Variants in ACADSB observed in about 807,000 individuals in gnomAD.
The protein encoded by ACADSB is short/branched chain specific acyl-CoA dehydrogenase, mitochondrial.
ACADSB carries 40 observed loss-of-function variants against 54.1 expected under a neutral mutation model. That is an observed-to-expected ratio of 0.74 (90% confidence interval 0.57 to 0.96). The LOEUF (loss-of-function observed/expected upper bound fraction) is 0.96, where lower values mean the gene tolerates loss of function less well. Among genes scored for constraint, ACADSB ranks in the 40% least tolerant of loss-of-function variants. The pLI is 0.00. For missense variants in ACADSB, 530 were observed against 510.4 expected (o/e 1.04, Z -0.37); for synonymous variants, 182 against 182.8 (o/e 1.00, Z 0.03).
chr10:123,027,409 G>A, intron 1 of ACADSB: 1 of 372,662 alleles, frequency 2.7e-6, no homozygotes, highest in Non-Finnish European at 5.6e-6. Flanking sequence ...ACACAGGGAA[G>A]TAATTTAATT....
rs1366294353 is a variant in ACADSB, at chr10:123,055,182, G to A, written c.*1417G>A. On this transcript the variant is annotated 3_prime_UTR_variant, in exon 11 of 11. Transcript: ENST00000358776. Reference sequence around the variant, plus strand: ...CTGATAAAGACATACCTGAGACCAGGAAGAAAAAGAGGTTTAATTGGACTT... The same window carrying A: ...CTGATAAAGACATACCTGAGACCAGAAAGAAAAAGAGGTTTAATTGGACTT... 1 of 166,904 alleles carries A rather than the reference G, an allele frequency of 6.0e-6. No individual in the cohort carries two copies. The highest frequency in any genetic ancestry group is 2.4e-5 in the African/African-American group (1 of 41,666). The allele number at this position is 166,904 out of a possible 1,614,324, so 10.3% of individuals were successfully genotyped here. A position where few individuals can be genotyped will look rare whatever the true frequency, so the allele number is the denominator to read the frequency against.
Position 123,053,648 on chromosome 10 carries a change from A to G in ACADSB, c.1229-47A>G, listed in dbSNP as rs902327380. ...GTTTATAGAGCTATTTCTTGTCTTA[A>G]CCATGCGCCAACTCCTCATTGTTCC... On this transcript the variant is annotated intron_variant, in intron 10 of 10. Transcript: ENST00000358776. 4.6e-6 allele frequency: 7 copies of G among 1,523,378 alleles called. No individual in the cohort carries two copies. The Admixed American group carries it at 5.0e-5, about 11-fold the overall frequency. 94.4% of individuals were successfully genotyped at this position (1,523,378 alleles called of 1,614,324 possible). A position where few individuals can be genotyped will look rare whatever the true frequency, so the allele number is the denominator to read the frequency against.
At chr10:123,014,007 C>T (rs928625523) in intron 1 of ACADSB, among the ~76,000 whole-genome samples, 7 of 152,150 alleles carry the variant, frequency 4.6e-5, no homozygotes, top group African/African-American at 1.2e-4. Context: ...GCGCCGAGGC[C>T]GAGGAGGCGA....
At chr10:123,032,893 A>G (rs1389560023) in intron 1 of ACADSB, among the ~76,000 whole-genome samples, 3 of 151,836 alleles carry the variant, frequency 2.0e-5, no homozygotes, top group South Asian at 2.1e-4. Flanking sequence ...CTGGCCTCCA[A>G]TTTCCATTCT....
At chr10:123,021,941 G>A (rs960715923) in intron 1 of ACADSB, among the ~76,000 whole-genome samples, 1 of 152,068 alleles carries the variant, frequency 6.6e-6, no homozygotes, top group Non-Finnish European at 1.5e-5. Flanking sequence ...GGCCTCTCAT[G>A]TGTGCATTAA....
chr10:123,036,764 A>G (rs1229794775), intron 2 of ACADSB, among the ~76,000 whole-genome samples: 1 of 152,166 alleles, frequency 6.6e-6, no homozygotes, highest in Non-Finnish European at 1.5e-5. Flanking sequence ...CAGTCAGGAA[A>G]GGCTTCCCAG....
chr10:123,012,696 C>T (rs1163647662), intron 1 of ACADSB, among the ~76,000 whole-genome samples: 1 of 151,932 alleles, frequency 6.6e-6, no homozygotes. Flanking sequence ...TGTGGCCTCG[C>T]TGGCTTCAGG....
chr10:123,043,025 C>T (rs761238619), intron 5 of ACADSB, 21 bp from the exon 6 acceptor site: 18 of 1,611,106 alleles, frequency 1.1e-5, no homozygotes, highest in South Asian at 3.3e-5. Flanking sequence ...GTGGTAATAG[C>T]GTTTTAATTC....
intron 1 of ACADSB, among the ~76,000 whole-genome samples, chr10:123,019,538 T>C (rs1460298478): frequency 2.0e-5 from 3 of 152,248 alleles, no homozygotes; most frequent in African/African-American, 7.2e-5. Context: ...AATATTTTGG[T>C]GTTTGCAGTC....
chr10:123,024,282 G>T (rs1255324744), intron 1 of ACADSB, among the ~76,000 whole-genome samples: 1 of 152,224 alleles, frequency 6.6e-6, no homozygotes, highest in Non-Finnish European at 1.5e-5. Context: ...ACTGAAACAT[G>T]TTCGAGTTCT....
chr10:123,009,911 G>A (rs993243389), intron 1 of ACADSB, among the ~76,000 whole-genome samples: 20 of 152,320 alleles, frequency 1.3e-4, no homozygotes, highest in African/African-American at 4.8e-4. Flanking sequence ...CACTGCTTAC[G>A]TGTGCTTTTA....
rs1282023840 is a variant in ACADSB, at chr10:123,054,249, G to A, written c.*484G>A. ...ACCATATTGCCCAGGCTGGTCTTCT[G>A]GCTTCTGGATATCGCCCACCTTGGC... On this transcript the variant is annotated 3_prime_UTR_variant, in exon 11 of 11. Transcript: ENST00000358776. 1.2e-5 allele frequency: 2 copies of A among 160,248 alleles called. No individual in the cohort carries two copies. The highest frequency in any genetic ancestry group is 5.8e-5 in the Admixed American group (1 of 17,172). 9.9% of individuals were successfully genotyped at this position (160,248 alleles called of 1,614,324 possible). A position where few individuals can be genotyped will look rare whatever the true frequency, so the allele number is the denominator to read the frequency against.
intron 2 of ACADSB, among the ~76,000 whole-genome samples, chr10:123,035,383 A>G (rs1435494399): frequency 2.6e-5 from 4 of 152,244 alleles, no homozygotes; most frequent in Non-Finnish European, 5.9e-5. Context: ...AGCAGTTTGC[A>G]TTCATTTATT....
chr10:123,049,096 A>G (rs549791426), intron 8 of ACADSB, among the ~76,000 whole-genome samples: 5 of 152,356 alleles, frequency 3.3e-5, no homozygotes, highest in African/African-American at 4.8e-5. Context: ...TGATAGAGAC[A>G]TGCTATGTGA....
rs1203886283 is a variant in ACADSB, at chr10:123,055,076, C to G, written c.*1311C>G. 3.9e-5 allele frequency: 6 copies of G among 152,360 alleles called. No homozygotes were observed. Among genetic ancestry groups the G allele is most frequent in the African/African-American group, 1.4e-4 (6 of 41,532 alleles). The allele number at this position is 152,360 out of a possible 1,614,324, so 9.4% of individuals were successfully genotyped here. ...TATATTTGGGAAGGCAAAAATGAAT[C>G]TATTGTTTTGCAATATAGGTTATAA... On this transcript the variant is annotated 3_prime_UTR_variant, in exon 11 of 11. Transcript: ENST00000358776.
chr10:123,038,896 T>C (rs1358337199), intron 3 of ACADSB, among the ~76,000 whole-genome samples: 1 of 152,200 alleles, frequency 6.6e-6, no homozygotes, highest in Non-Finnish European at 1.5e-5. Flanking sequence ...TTTATTTCTA[T>C]TGCTTGCAGA....
In ACADSB at chr10:123,027,701, A is replaced by G; in HGVS notation, c.43-6655A>G. On this transcript the variant is annotated intron_variant, in intron 1 of 10. Transcript: ENST00000358776. Reference sequence around the variant, plus strand: ...ACATGGTAACCCCTTGTTCCCATACAACGGGTGTGTATGGCCCCTTGGCAG... The same window carrying G: ...ACATGGTAACCCCTTGTTCCCATACGACGGGTGTGTATGGCCCCTTGGCAG... The G allele has an allele frequency of 6.0e-6, 2 of 333,380 alleles. 1 individual carries two copies. The highest frequency in any genetic ancestry group is 4.3e-5 in the South Asian group (2 of 46,260). 20.7% of individuals were successfully genotyped at this position (333,380 alleles called of 1,614,324 possible). A position where few individuals can be genotyped will look rare whatever the true frequency, so the allele number is the denominator to read the frequency against.
rs551598402 is a variant in ACADSB, at chr10:123,050,065, A to T, written c.991-984A>T. ...AACATCGTCTCTTTTTGTACATACG[A>T]AATTGTTGTGTGTATCACATATTTC... On this transcript the variant is annotated intron_variant, in intron 8 of 10. Transcript: ENST00000358776. 9.8e-5 allele frequency among the ~76,000 whole-genome samples: 15 copies of T among 152,336 alleles called. No individual in the cohort carries two copies. The South Asian group carries it at 1.0e-3, about 11-fold the overall frequency.
At chr10:123,032,433 A>C (rs575208494) in intron 1 of ACADSB, among the ~76,000 whole-genome samples, 51 of 152,222 alleles carry the variant, frequency 3.4e-4, no homozygotes, top group African/African-American at 1.2e-3. Context: ...TGTAATAGGT[A>C]AGTTTCATGA....
Sources: allele counts gnomAD v4.1 joint callset (sites outside exome capture counted in the v4.1 genomes callset), GRCh38; gene constraint gnomAD v4.1.1; transcripts MANE v1.5; gene names NCBI Gene and HGNC (gene_info 2026-07-23, HGNC 2026-07-21).